KSR2: variants seen among roughly 807,000 people sequenced by gnomAD.
KSR2 encodes the protein kinase suppressor of ras 2.
KSR2 carries 25 observed loss-of-function variants against 107.8 expected under a neutral mutation model. The ratio of observed to expected loss-of-function variants is 0.23; its 90% CI spans 0.17 to 0.32. The LOEUF (loss-of-function observed/expected upper bound fraction) is 0.32, where lower values mean the gene tolerates loss of function less well. KSR2 is among the 10% of genes least tolerant of loss of function. The pLI, the probability that KSR2 is intolerant of heterozygous loss-of-function variation, is 1.00. For synonymous variants in KSR2, 480 were observed against 507.0 expected, an observed-to-expected ratio of 0.95 and a Z score of 0.71; for missense variants, 887 against 1,268.9, an observed-to-expected ratio of 0.70 and a Z score of 4.57.
intron 3 of KSR2, among the ~76,000 whole-genome samples, chr12:117,774,437 G>A (rs910295725): frequency 6.6e-6 from 1 of 152,176 alleles, no homozygotes; most frequent in Admixed American, 6.5e-5. Context: ...CCCCGCCCCA[G>A]GATGTCCCCA....
chr12:117,901,652 G>T (rs1566074298), intron 1 of KSR2, among the ~76,000 whole-genome samples: 1 of 152,086 alleles, frequency 6.6e-6, no homozygotes, highest in African/African-American at 2.4e-5. Flanking sequence ...AAAAAATTAT[G>T]ACAAACAAAG....
chr12:117,683,874 TC>T (rs1229786806), intron 4 of KSR2, among the ~76,000 whole-genome samples: 1 of 152,126 alleles, frequency 6.6e-6, no homozygotes, highest in African/African-American at 2.4e-5. Context: ...CTACTAAAAC[TC>T]TCCATTTCTG....
chr12:117,668,503 C>T (rs1223444491), intron 4 of KSR2, among the ~76,000 whole-genome samples: 2 of 152,200 alleles, frequency 1.3e-5, no homozygotes, highest in East Asian at 3.9e-4. Context: ...CCCTTCATCG[C>T]TGTGTCCACC....
intron 14 of KSR2, among the ~76,000 whole-genome samples, chr12:117,501,815 G>A (rs1021065737): frequency 6.6e-6 from 1 of 152,184 alleles, no homozygotes; most frequent in Non-Finnish European, 1.5e-5. Flanking sequence ...TCACTCAAAC[G>A]TGGAAGCATA....
At chr12:117,542,393 G>T (rs186057244) in intron 9 of KSR2, among the ~76,000 whole-genome samples, 57 of 151,310 alleles carry the variant, frequency 3.8e-4, no homozygotes, top group Middle Eastern at 3.4e-3. Flanking sequence ...ACATGTAGTT[G>T]TAAGAAGAGA....
At chr12:117,885,785 T>C (rs1343367184) in intron 1 of KSR2, among the ~76,000 whole-genome samples, 1 of 151,918 alleles carries the variant, frequency 6.6e-6, no homozygotes, top group African/African-American at 2.4e-5. Context: ...CAAACCACCA[T>C]GACACACATA....
intron 4 of KSR2, among the ~76,000 whole-genome samples, chr12:117,701,543 A>C (rs534549475): frequency 6.6e-6 from 1 of 152,172 alleles, no homozygotes; most frequent in Admixed American, 6.5e-5. Flanking sequence ...AAGAAAAAAA[A>C]GGCTACTGGG....
At chr12:117,905,455 C>T (rs148175281) in intron 1 of KSR2, among the ~76,000 whole-genome samples, 506 of 152,288 alleles carry the variant, frequency 3.3e-3, no homozygotes, top group Admixed American at 7.6e-3. Context: ...TCACTTCATG[C>T]ACCATCAGTG....
chr12:117,953,166 T>C (rs558384369), intron 1 of KSR2, among the ~76,000 whole-genome samples: 26 of 152,202 alleles, frequency 1.7e-4, no homozygotes, highest in African/African-American at 5.3e-4. Flanking sequence ...CCAGGATAGC[T>C]ATAATTTTAA....
At chr12:117,637,995 C>A (rs1349330854) in intron 5 of KSR2, among the ~76,000 whole-genome samples, 3 of 152,022 alleles carry the variant, frequency 2.0e-5, no homozygotes, top group African/African-American at 7.2e-5. Context: ...TTAATGGTGG[C>A]CTATTCATAG....
intron 1 of KSR2, among the ~76,000 whole-genome samples, chr12:117,930,816 A>C (rs1895673826): frequency 6.6e-6 from 1 of 152,178 alleles, no homozygotes; most frequent in South Asian, 2.1e-4. Context: ...TGGGAGGCTG[A>C]GGGAGGAGAA....
intron 4 of KSR2, among the ~76,000 whole-genome samples, chr12:117,698,205 C>CA (rs1252618914): frequency 6.6e-6 from 1 of 152,170 alleles, no homozygotes; most frequent in Non-Finnish European, 1.5e-5. Context: ...TTAAGGCATC[C>CA]AGTTTATGGT....
intron 1 of KSR2, among the ~76,000 whole-genome samples, chr12:117,966,874 G>C (rs1288672297): frequency 6.6e-6 from 1 of 152,122 alleles, no homozygotes; most frequent in Non-Finnish European, 1.5e-5. Context: ...CAGGCCTTGG[G>C]AACTCATGTG....
At chr12:117,563,702 G>A (rs1257276579) in intron 7 of KSR2, among the ~76,000 whole-genome samples, 1 of 152,114 alleles carries the variant, frequency 6.6e-6, no homozygotes, top group Non-Finnish European at 1.5e-5. Flanking sequence ...TTCTCTGGCT[G>A]GAAACATGGG....
intron 16 of KSR2, among the ~76,000 whole-genome samples, chr12:117,480,948 G>A (rs750715889): frequency 6.6e-6 from 1 of 152,222 alleles, no homozygotes; most frequent in African/African-American, 2.4e-5. Context: ...TGTAAGCCTG[G>A]GACCTTGAAA....
chr12:117,651,074 A>G (rs1883884894), intron 5 of KSR2, among the ~76,000 whole-genome samples: 1 of 152,198 alleles, frequency 6.6e-6, no homozygotes, highest in Non-Finnish European at 1.5e-5. Flanking sequence ...ACCCTGATGA[A>G]GCTGGGGACA....
intron 1 of KSR2, among the ~76,000 whole-genome samples, chr12:117,862,854 C>T (rs1893354933): frequency 1.3e-5 from 2 of 152,038 alleles, no homozygotes; most frequent in South Asian, 4.2e-4. Context: ...CTCACCCTCC[C>T]GAGTAGCTGG....
At chr12:117,756,723 T>C (rs1331538041) in intron 4 of KSR2, among the ~76,000 whole-genome samples, 1 of 152,190 alleles carries the variant, frequency 6.6e-6, no homozygotes, top group African/African-American at 2.4e-5. Flanking sequence ...CTGCCATAGA[T>C]AGTGATTCCT....
At chr12:117,873,549 C>T (rs2137293282) in intron 1 of KSR2, among the ~76,000 whole-genome samples, 1 of 151,302 alleles carries the variant, frequency 6.6e-6, no homozygotes, top group South Asian at 2.1e-4. Flanking sequence ...CAACCTCCAC[C>T]TCCCGGGTCC....
Sources: allele counts gnomAD v4.1 joint callset (sites outside exome capture counted in the v4.1 genomes callset), GRCh38; gene constraint gnomAD v4.1.1; transcripts MANE v1.5; gene names NCBI Gene and HGNC (gene_info 2026-07-23, HGNC 2026-07-21).